Variants in SOX5 observed in about 807,000 individuals in gnomAD.
The protein encoded by SOX5 is SRY-box transcription factor 5.
In SOX5, 9 loss-of-function variants were observed where a neutral mutation model predicts 92.0. That is an observed-to-expected ratio of 0.10 (90% CI 0.06 to 0.17). The LOEUF (loss-of-function observed/expected upper bound fraction) is 0.17. Ranked by LOEUF, SOX5 falls within the 10% of genes least tolerant of loss-of-function variation. SOX5 has a pLI of 1.00. For synonymous variants in SOX5, 344 were observed against 336.3 expected (o/e 1.02, Z -0.25); for missense variants, 642 against 944.5 (o/e 0.68, Z 4.20).
intron 4 of SOX5, among the ~76,000 whole-genome samples, chr12:23,988,425 G>T (rs1483153125): frequency 2.0e-5 from 3 of 152,138 alleles, no homozygotes; most frequent in Non-Finnish European, 4.4e-5. Context: ...AACATTATAG[G>T]GTTGGGATTT....
At chr12:23,717,821 CTG>C (rs558566637) in intron 6 of SOX5, among the ~76,000 whole-genome samples, 97 of 152,318 alleles carry the variant, frequency 6.4e-4, no homozygotes, top group Non-Finnish European at 1.1e-3. Context: ...TAAGTTAACA[CTG>C]TACTGCAAAG....
At chr12:24,471,160 C>G (rs983663105) in intron 1 of SOX5, among the ~76,000 whole-genome samples, 2 of 152,158 alleles carry the variant, frequency 1.3e-5, no homozygotes, top group African/African-American at 4.8e-5. Flanking sequence ...AGTTTCTACA[C>G]ATCCTTAGAG....
In SOX5 at chr12:24,101,135, C is replaced by A. The variant is rs553824665; in HGVS notation, c.-2+112208G>T. 3.3e-5 allele frequency among the ~76,000 whole-genome samples: 5 copies of A among 152,246 alleles called. No homozygotes were observed. The East Asian group carries it at 9.6e-4, about 29-fold the overall frequency. ...TCTTAAAATCCTTCAATAATGTCTA[C>A]TGCTCTCAGAAGGAAAACTAAACTT... On this transcript the variant is annotated intron_variant, in intron 4 of 4. Coordinates refer to the SOX5 transcript ENST00000446891.
intron 2 of SOX5, among the ~76,000 whole-genome samples, chr12:24,333,435 C>T (rs1222943611): frequency 1.3e-5 from 2 of 151,970 alleles, no homozygotes; most frequent in East Asian, 3.8e-4. Flanking sequence ...AAACAAAATG[C>T]AGATAAACTT....
At chr12:23,831,625 A>G (rs2096323403) in intron 3 of SOX5, among the ~76,000 whole-genome samples, 1 of 152,048 alleles carries the variant, frequency 6.6e-6, no homozygotes, top group African/African-American at 2.4e-5. Flanking sequence ...CTTTTTTTAA[A>G]GTCCATACTA....
At chr12:23,772,740 A>C (rs897516376) in intron 3 of SOX5, among the ~76,000 whole-genome samples, 2 of 152,200 alleles carry the variant, frequency 1.3e-5, no homozygotes, top group African/African-American at 4.8e-5. Context: ...AATATACCTA[A>C]CATATAGGGC....
chr12:23,598,081 A>G (rs536494661), intron 9 of SOX5, among the ~76,000 whole-genome samples: 47 of 152,304 alleles, frequency 3.1e-4, no homozygotes, highest in Non-Finnish European at 5.3e-4. Flanking sequence ...ACTTAGAAAT[A>G]CTACATTCAC....
chr12:24,331,260 TA>T (rs1468458501), intron 2 of SOX5: 1 of 152,208 alleles, frequency 6.6e-6, no homozygotes, highest in Non-Finnish European at 1.5e-5. Flanking sequence ...TCTTCCAAGG[TA>T]ATGCAGTCAA....
intron 9 of SOX5, among the ~76,000 whole-genome samples, chr12:23,578,144 AAAAAAAC>A (rs1949518306): frequency 7.4e-6 from 1 of 134,908 alleles, no homozygotes; most frequent in Non-Finnish European, 1.6e-5. Flanking sequence ...AAAAAAAAAA[AAAAAAAC>A]TATAGGGGCA....
chr12:24,164,980 G>T (rs1462462471), intron 4 of SOX5, among the ~76,000 whole-genome samples: 3 of 151,980 alleles, frequency 2.0e-5, no homozygotes, highest in Admixed American at 2.0e-4. Flanking sequence ...TATAAAGTAT[G>T]TTTAAAGGCA....
intron 2 of SOX5, among the ~76,000 whole-genome samples, chr12:24,344,785 T>C (rs574812754): frequency 1.3e-5 from 2 of 152,300 alleles, no homozygotes; most frequent in Non-Finnish European, 1.5e-5. Context: ...AACAAAGGCT[T>C]GTACTTTAAA....
At chr12:23,723,808 A>AT (rs1020888261) in intron 6 of SOX5, among the ~76,000 whole-genome samples, 49 of 151,978 alleles carry the variant, frequency 3.2e-4, no homozygotes, top group African/African-American at 1.1e-3. Context: ...CTCATTAGTT[A>AT]TTTTAGTTAA....
At chr12:24,547,203 G>A (rs1175445335) in intron 1 of SOX5, among the ~76,000 whole-genome samples, 6 of 44,274 alleles carry the variant, frequency 1.4e-4, no homozygotes, top group Non-Finnish European at 2.1e-4. Context: ...TTTTTTTTTT[G>A]AGACGGAGTC....
intron 3 of SOX5, among the ~76,000 whole-genome samples, chr12:23,816,546 A>G (rs958180358): frequency 6.6e-6 from 1 of 152,154 alleles, no homozygotes; most frequent in African/African-American, 2.4e-5. Context: ...CATCTAGCAG[A>G]AAATTCCTGG....
upstream of SOX5, among the ~76,000 whole-genome samples, chr12:23,953,577 A>T (rs573895285): frequency 6.6e-5 from 10 of 152,074 alleles, no homozygotes; most frequent in African/African-American, 2.4e-4. Context: ...TTAAAAAGTT[A>T]TAACAATTCT....
intron 2 of SOX5, among the ~76,000 whole-genome samples, chr12:23,854,907 C>T (rs948149341): frequency 6.6e-6 from 1 of 151,950 alleles, no homozygotes; most frequent in Non-Finnish European, 1.5e-5. Context: ...TGGGGTATTA[C>T]ATAAGTTAAT....
At chr12:23,682,462 G>A (rs929336484) in intron 6 of SOX5, among the ~76,000 whole-genome samples, 1 of 151,644 alleles carries the variant, frequency 6.6e-6, no homozygotes, top group Non-Finnish European at 1.5e-5. Context: ...CTTTACCATT[G>A]ACAAGTGGGA....
intron 2 of SOX5, among the ~76,000 whole-genome samples, chr12:23,859,896 A>T (rs2096735655): frequency 1.3e-5 from 2 of 152,202 alleles, no homozygotes; most frequent in South Asian, 4.1e-4. Context: ...CATGGAATTA[A>T]CCTAAATGCC....
At chr12:24,234,447 G>T (rs1434071999) in intron 3 of SOX5, among the ~76,000 whole-genome samples, 1 of 152,058 alleles carries the variant, frequency 6.6e-6, no homozygotes, top group Non-Finnish European at 1.5e-5. Context: ...GCACAATCTC[G>T]GTTCACTGCA....
Sources: gnomAD v4.1 joint callset for allele counts (sites outside exome capture counted in the v4.1 genomes callset) on GRCh38, gnomAD v4.1.1 for gene constraint, MANE v1.5 for transcripts, NCBI Gene and HGNC (gene_info 2026-07-23, HGNC 2026-07-21) for gene names.